AMBN: variants seen among roughly 807,000 people sequenced by gnomAD.
AMBN encodes enamel matrix protein.
AMBN carries 54 observed loss-of-function variants against 48.0 expected under a neutral mutation model. The observed-to-expected ratio is 1.12, with a 90% CI of 0.90 to 1.41. The LOEUF (loss-of-function observed/expected upper bound fraction) is 1.41, where lower values mean the gene tolerates loss of function less well. Ranked by LOEUF, AMBN falls within the 40% of genes most tolerant of loss-of-function variation. The probability of loss-of-function intolerance (pLI) is 0.00; values close to 1 mark genes in which losing one functional copy is unlikely to be tolerated. For missense variants in AMBN, 571 were observed against 547.3 expected (o/e 1.04, Z -0.43); for synonymous variants, 186 against 190.0 (o/e 0.98, Z 0.17).
Position 70,603,447 on chromosome 4 carries a change from G to C in AMBN, c.740G>C (p.Gly247Ala), listed in dbSNP as rs1737572174. The change falls in exon 11 of 13, where the codon GGA becomes GCA. Residue 247 changes from glycine (G) to alanine (A), a missense_variant. Transcript: ENST00000322937. Reference sequence around the variant, plus strand: ...CCAGGAATGTTGTACGTGCCTTTTGGAGCAAATCAATTGGTAAGTCCATAT... The same window carrying C: ...CCAGGAATGTTGTACGTGCCTTTTGCAGCAAATCAATTGGTAAGTCCATAT... ...LYPGMLYVPF[G>A]ANQLNAPARL... is the part of the protein sequence containing the mutation. The C allele has an allele frequency of 6.2e-7, 1 of 1,612,174 alleles. No homozygotes were observed. The highest frequency in any genetic ancestry group is 1.3e-5 in the African/African-American group (1 of 74,792).
At chr4:70,597,773 C>A (rs1737420105) in intron 3 of AMBN, among the ~76,000 whole-genome samples, 1 of 152,076 alleles carries the variant, frequency 6.6e-6, no homozygotes, top group South Asian at 2.1e-4. Context: ...CACTTTTTAG[C>A]TTAAACTCAA....
intron 1 of AMBN, among the ~76,000 whole-genome samples, chr4:70,592,849 A>G (rs954809161): frequency 2.6e-5 from 4 of 152,234 alleles, no homozygotes; most frequent in African/African-American, 4.8e-5. Context: ...TAAACATGCA[A>G]TGATGTACCC....
chr4:70,599,647 G>C lies in AMBN; in HGVS notation c.294+1G>C. Reference sequence around the variant, plus strand: ...GCCAAGAGAACATGAAACTCAACAGGTGAGTGAATAGCATCAATATGTTTG... The same window carrying C: ...GCCAAGAGAACATGAAACTCAACAGCTGAGTGAATAGCATCAATATGTTTG... On this transcript the variant is annotated splice_donor_variant, in intron 5 of 12. Transcript: ENST00000322937. LOFTEE classifies it high-confidence loss of function. The C allele has an allele frequency of 6.3e-7, 1 of 1,597,686 alleles. No individual in the cohort carries two copies. Among genetic ancestry groups the C allele is most frequent in the Middle Eastern group, 1.7e-4 (1 of 6,014 alleles).
At chr4:70,599,809 A>G (rs1737478752) in intron 5 of AMBN, among the ~76,000 whole-genome samples, 163 bp downstream of exon 5, 1 of 152,250 alleles carries the variant, frequency 6.6e-6, no homozygotes, top group African/African-American at 2.4e-5. Context: ...TTAGCGCTTA[A>G]GAAATATTTT....
chr4:70,599,453 A>C, intron 4 of AMBN, 83 bp from the exon 5 acceptor site: 1 of 1,106,474 alleles, frequency 9.0e-7, no homozygotes, highest in African/African-American at 1.6e-5. Context: ...AAAAAAAAGA[A>C]AAAGGAAAAG....
chr4:70,597,055 T>C lies in AMBN; in HGVS notation c.135+6T>C. On this transcript the variant is annotated splice_donor_region_variant and intron_variant, in intron 3 of 12. Coordinates refer to ENST00000322937, the MANE Select transcript of AMBN (RefSeq NM_016519.6). ...TGGCTAGTTTGAGCCTTGAGGTATG[T>C]ATTGTCAGAATTTTTAACATATTAA... 2.5e-6 allele frequency: 4 copies of C among 1,611,062 alleles called. No individual in the cohort carries two copies. The highest frequency in any genetic ancestry group is 3.4e-6 in the Non-Finnish European group (4 of 1,177,620).
intron 1 of AMBN, among the ~76,000 whole-genome samples, chr4:70,592,704 TTTTAAAAGATAATTCATTTTA>T (rs1737300443): frequency 6.6e-6 from 1 of 152,162 alleles, no homozygotes; most frequent in African/African-American, 2.4e-5. Flanking sequence ...ATAGAATAAA[TTTTAAAAGATAATTCATTTTA>T]GGAAGAGGAA....
At chr4:70,598,271 T>A in intron 3 of AMBN, 85 bp from the exon 4 acceptor site, 1 of 886,224 alleles carries the variant, frequency 1.1e-6, no homozygotes, top group South Asian at 2.8e-5. Context: ...AAACTTTGTG[T>A]TGATAATGTC....
At chr4:70,599,397 C>A (rs1001657845) in intron 4 of AMBN, 139 bp from the exon 5 acceptor site, 12 of 542,920 alleles carry the variant, frequency 2.2e-5, no homozygotes, top group Non-Finnish European at 3.4e-5. Context: ...GCTGAGATTG[C>A]GCCACTGCAC....
chr4:70,606,058 CA>C, intron 12 of AMBN, 126 bp from the exon 13 acceptor site: 3 of 1,072,054 alleles, frequency 2.8e-6, no homozygotes, highest in Non-Finnish European at 4.0e-6. Flanking sequence ...ACAAAGCTAT[CA>C]ATCAGCCAAC....
chr4:70,601,632 C>T lies in AMBN; in HGVS notation c.509C>T (p.Ser170Leu), dbSNP rs1737523643. Residue 170 changes from serine (S) to leucine (L), a missense_variant, in exon 6 of 13, where the codon TCA becomes TTA. Ser to Leu is a moderately radical substitution (Grantham distance 145). Transcript: ENST00000322937. ...CTGGTTCAGCAGCAGGTGGCACCAT[C>T]AGATAAGCCACCAAAGCCTGAGGTA... is the stretch of plus-strand genomic sequence containing the variant. ...LPLVQQQVAP[S>L]DKPPKPELPG... 1 of 1,613,978 alleles carries T rather than the reference C, an allele frequency of 6.2e-7. No homozygotes were observed. Among genetic ancestry groups the T allele is most frequent in the Non-Finnish European group, 8.5e-7 (1 of 1,179,982 alleles).
intron 12 of AMBN, among the ~76,000 whole-genome samples, chr4:70,604,190 G>A (rs1737588678): frequency 6.6e-6 from 1 of 152,132 alleles, no homozygotes; most frequent in East Asian, 1.9e-4. Flanking sequence ...AACTCCCCTT[G>A]AAAGGCCGTC....
intron 11 of AMBN, among the ~76,000 whole-genome samples, 172 bp downstream of exon 11, chr4:70,603,632 ACACACACACACACACACG>A (rs1270301753): frequency 9.0e-6 from 1 of 111,194 alleles, no homozygotes; most frequent in Admixed American, 8.8e-5. Flanking sequence ...TCTTGGCCAG[ACACACACACACACACACG>A]CACACGCACA....
At position 70,606,496 on chromosome 4, in the gene AMBN, G is replaced by T. The variant is rs951229979; in HGVS notation, c.1110G>T (p.Gly370=). 6.2e-7 allele frequency: 1 copy of T among 1,614,020 alleles called. No homozygotes were observed. The highest frequency in any genetic ancestry group is 8.5e-7 in the Non-Finnish European group (1 of 1,179,994). The change falls in exon 13 of 13, where the codon GGG becomes GGT. Residue 370 remains glycine (G), a synonymous_variant. Transcript: ENST00000322937. The stretch of plus-strand genomic sequence containing the variant: ...CCGGCCTGCCAAGGAGCCCTTCAGG[G>T]AAGATGAAGGGACTCCCCAGCGTCA... ...DIPGLPRSPS[G]KMKGLPSVTP... is the part of the protein sequence containing the mutation.
intron 2 of AMBN, among the ~76,000 whole-genome samples, chr4:70,596,516 C>T (rs1487677341): frequency 6.6e-6 from 1 of 152,044 alleles, no homozygotes; most frequent in East Asian, 1.9e-4. Flanking sequence ...GAATGGGAAT[C>T]CAGTTAGATT....
chr4:70,601,958 G>C, intron 6 of AMBN: 1 of 512,892 alleles, frequency 1.9e-6, no homozygotes. Context: ...GAGAAGTCCA[G>C]GTTTCCTATC....
intron 3 of AMBN, among the ~76,000 whole-genome samples, chr4:70,597,609 A>G (rs1316745561): frequency 6.6e-6 from 1 of 152,116 alleles, no homozygotes; most frequent in African/African-American, 2.4e-5. Flanking sequence ...AAAAATATTG[A>G]CAGTTATATA....
intron 12 of AMBN, 75 bp downstream of exon 12, chr4:70,603,996 C>A: frequency 1.4e-6 from 2 of 1,468,240 alleles, no homozygotes; most frequent in African/African-American, 1.4e-5. Flanking sequence ...CTGCAAGAGA[C>A]GTCTGCCATG....
At chr4:70,599,987 A>G (rs888350331) in intron 5 of AMBN, among the ~76,000 whole-genome samples, 1 of 152,196 alleles carries the variant, frequency 6.6e-6, no homozygotes, top group Non-Finnish European at 1.5e-5. Context: ...TCAAAGGCTG[A>G]TTTCAAATGA....
Sources: gnomAD v4.1 joint callset for allele counts (sites outside exome capture counted in the v4.1 genomes callset) on GRCh38, gnomAD v4.1.1 for gene constraint, MANE v1.5 for transcripts, NCBI Gene and HGNC (gene_info 2026-07-23, HGNC 2026-07-21) for gene names.